The following BAD variants were observed in gnomAD, a reference collection of about 807,000 sequenced individuals.
BAD encodes BCL2 associated agonist of cell death, also known as bcl2-associated agonist of cell death.
A neutral mutation model predicts 17.8 loss-of-function variants in BAD; 18 were observed. The observed-to-expected ratio is 1.01, with a 90% CI of 0.70 to 1.50. The LOEUF (loss-of-function observed/expected upper bound fraction) is 1.50, where lower values mean the gene tolerates loss of function less well. BAD is among the 40% of genes most tolerant of loss of function. BAD has a pLI of 0.00. For synonymous variants in BAD, 112 were observed against 91.5 expected, an observed-to-expected ratio of 1.22 and a Z score of -1.28; for missense variants, 294 against 239.3, an observed-to-expected ratio of 1.23 and a Z score of -1.51.
chr11:64,269,840 A>G lies in BAD; in HGVS notation c.*369T>C. The G allele has an allele frequency of 1.4e-6, 1 of 694,342 alleles. No homozygotes were observed. Among genetic ancestry groups the G allele is most frequent in the Non-Finnish European group, 2.6e-6 (1 of 381,680 alleles). The allele number at this position is 694,342 out of a possible 1,614,324, so 43.0% of individuals were successfully genotyped here. On this transcript the variant is annotated 3_prime_UTR_variant, in exon 4 of 4. Transcript: ENST00000309032. Reference sequence around the variant, plus strand: ...GCACAGAAAAGCCTCGGCGGCACAGACGCGGGCTTTATTAACATTTGGTAG... The same window carrying G: ...GCACAGAAAAGCCTCGGCGGCACAGGCGCGGGCTTTATTAACATTTGGTAG...
At chr11:64,277,103 T>C in intron 2 of BAD, 1 of 666,040 alleles carries the variant, frequency 1.5e-6, no homozygotes, top group African/African-American at 1.8e-5. Flanking sequence ...CACACTGAAT[T>C]GCACACTTAA....
chr11:64,270,484 A>G (rs2135081577), intron 3 of BAD, 147 bp from the exon 4 acceptor site: 1 of 1,176,886 alleles, frequency 8.5e-7, no homozygotes, highest in African/African-American at 1.5e-5. Flanking sequence ...CCGGGCGGTC[A>G]GGGACGCTCG....
intron 2 of BAD, among the ~76,000 whole-genome samples, chr11:64,282,041 G>A (rs2033512550): frequency 6.6e-6 from 1 of 152,086 alleles, no homozygotes; most frequent in African/African-American, 2.4e-5. Context: ...TTTACATGCT[G>A]CCCCCATACA....
intron 2 of BAD, among the ~76,000 whole-genome samples, chr11:64,273,855 CAAAAAA>C (rs34577596): frequency 1.1e-4 from 6 of 54,836 alleles, no homozygotes; most frequent in African/African-American, 2.3e-4. Flanking sequence ...GCACCCATCT[CAAAAAA>C]AAAAAAAAAA....
chr11:64,274,731 G>A (rs2032923517), intron 2 of BAD, among the ~76,000 whole-genome samples: 2 of 151,650 alleles, frequency 1.3e-5, no homozygotes, highest in African/African-American at 4.8e-5. Context: ...TGAGGCGGGA[G>A]AATCACTTGA....
intron 3 of BAD, chr11:64,270,749 C>T (rs981726352): frequency 6.4e-6 from 3 of 466,038 alleles, no homozygotes; most frequent in African/African-American, 2.0e-5. Context: ...GAGCCGTGAT[C>T]GCACCACTGC....
intron 2 of BAD, chr11:64,277,083 A>G: frequency 1.4e-6 from 1 of 693,284 alleles, no homozygotes; most frequent in East Asian, 2.7e-5. Context: ...ACTTAATTAC[A>G]AGACACTTGC....
intron 2 of BAD, among the ~76,000 whole-genome samples, chr11:64,276,150 A>T (rs1176550532): frequency 1.3e-5 from 2 of 152,116 alleles, no homozygotes; most frequent in Non-Finnish European, 2.9e-5. Flanking sequence ...TTCTGCCAGG[A>T]ACCTGTCCTA....
At chr11:64,281,391 T>C (rs1208536678) in intron 2 of BAD, among the ~76,000 whole-genome samples, 1 of 152,236 alleles carries the variant, frequency 6.6e-6, no homozygotes, top group African/African-American at 2.4e-5. Context: ...CAGCTACTTC[T>C]CACCACCTCC....
At chr11:64,282,818 G>A (rs780581817) in intron 2 of BAD, among the ~76,000 whole-genome samples, 6 of 151,100 alleles carry the variant, frequency 4.0e-5, no homozygotes, top group Non-Finnish European at 7.4e-5. Context: ...GGCAGAGGTT[G>A]CAGTGAGCCG....
chr11:64,274,427 C>T (rs565138744), intron 2 of BAD, among the ~76,000 whole-genome samples: 69 of 152,050 alleles, frequency 4.5e-4, no homozygotes, highest in African/African-American at 1.6e-3. Flanking sequence ...TGGCTCACGC[C>T]AGTAATCCCA....
chr11:64,276,964 T>C (rs1434894256), intron 2 of BAD: 4 of 749,438 alleles, frequency 5.3e-6, no homozygotes, highest in Non-Finnish European at 9.9e-6. Flanking sequence ...CGGACATCCC[T>C]GCTGATGCTT....
intron 2 of BAD, among the ~76,000 whole-genome samples, chr11:64,282,817 T>G (rs1182904530): frequency 1.4e-5 from 2 of 147,550 alleles, no homozygotes; most frequent in African/African-American, 5.1e-5. Flanking sequence ...AGGCAGAGGT[T>G]GCAGTGAGCC....
At chr11:64,276,006 A>T (rs1006408775) in intron 2 of BAD, among the ~76,000 whole-genome samples, 1 of 152,096 alleles carries the variant, frequency 6.6e-6, no homozygotes, top group African/African-American at 2.4e-5. Flanking sequence ...CAGAGCTGGG[A>T]TCCCAACCCA....
chr11:64,280,084 A>G (rs11231742), intron 2 of BAD, among the ~76,000 whole-genome samples: 31,137 of 151,274 alleles, frequency 0.21, 3,649 homozygotes, highest in East Asian at 0.55. Context: ...TTGGGAGGCC[A>G]AGGCGGGCGG....
chr11:64,274,605 G>A (rs1158206872), intron 2 of BAD, among the ~76,000 whole-genome samples: 1 of 151,884 alleles, frequency 6.6e-6, no homozygotes, highest in East Asian at 1.9e-4. Flanking sequence ...GGTGGATCAC[G>A]AGGTCAGGAG....
intron 3 of BAD, 41 bp downstream of exon 3, chr11:64,271,572 C>T (rs772701113): frequency 2.5e-5 from 34 of 1,373,908 alleles, no homozygotes; most frequent in South Asian, 2.1e-4. Flanking sequence ...GGGGGGCGGC[C>T]TGGTACTTCA....
intron 2 of BAD, among the ~76,000 whole-genome samples, chr11:64,274,691 C>T (rs897041318): frequency 9.2e-5 from 14 of 151,944 alleles, no homozygotes; most frequent in Non-Finnish European, 1.8e-4. Flanking sequence ...TGTGGTGGCG[C>T]GAGCCTGTAA....
Position 64,284,291 on chromosome 11 carries a change from G to A in BAD, c.78C>T (p.Pro26=). 1 of 1,612,010 alleles carries A rather than the reference G, an allele frequency of 6.2e-7. No individual in the cohort carries two copies. Among genetic ancestry groups the A allele is most frequent in the Non-Finnish European group, 8.5e-7 (1 of 1,179,944 alleles). The change falls in exon 2 of 4, where the codon CCC becomes CCT. Residue 26 remains proline, a synonymous_variant. Coordinates refer to ENST00000309032, the MANE Select transcript of BAD (RefSeq NM_032989.3). ...CGGAGCCTGAGGGCCCGTCCCCTGC[G>A]GGGCTGGGGCCCAGGCCCCTCTCTG... ...SSAERGLGPS[P]AGDGPSGSGK...
Sources: gnomAD v4.1 joint callset for allele counts (sites outside exome capture counted in the v4.1 genomes callset) on GRCh38, gnomAD v4.1.1 for gene constraint, MANE v1.5 for transcripts, NCBI Gene and HGNC (gene_info 2026-07-23, HGNC 2026-07-21) for gene names.